ARHGAP15: variants seen among roughly 807,000 people sequenced by gnomAD.
The protein encoded by ARHGAP15 is rho GTPase-activating protein 15.
ARHGAP15 carries 51 observed loss-of-function variants against 63.7 expected under a neutral mutation model. The observed-to-expected ratio is 0.80, with a 90% CI of 0.64 to 1.01. The LOEUF (loss-of-function observed/expected upper bound fraction) is 1.01. Ranked by LOEUF, ARHGAP15 falls within the 50% of genes least tolerant of loss-of-function variation. The probability of loss-of-function intolerance (pLI) is 0.00; values close to 1 mark genes in which losing one functional copy is unlikely to be tolerated. For synonymous variants in ARHGAP15, 191 were observed against 193.8 expected (o/e 0.99, Z 0.12); for missense variants, 560 against 564.6 (o/e 0.99, Z 0.08).
At chr2:143,331,213 T>C (rs374577794) in intron 6 of ARHGAP15, among the ~76,000 whole-genome samples, 1 of 152,136 alleles carries the variant, frequency 6.6e-6, no homozygotes, top group South Asian at 2.1e-4. Flanking sequence ...TTTAGCAATA[T>C]ATTTTTCATT....
chr2:143,750,306 T>G (rs1348402118), intron 13 of ARHGAP15, among the ~76,000 whole-genome samples: 1 of 152,106 alleles, frequency 6.6e-6, no homozygotes. Context: ...TGGGGCATGA[T>G]GGCGCATGCC....
intron 9 of ARHGAP15, chr2:143,518,934 T>C (rs1239289489): frequency 5.1e-6 from 1 of 197,446 alleles, no homozygotes; most frequent in Non-Finnish European, 1.0e-5. Context: ...CCAAAGACAC[T>C]AAGATAAATT....
chr2:143,271,404 G>A (rs943647919), intron 6 of ARHGAP15, among the ~76,000 whole-genome samples: 1 of 152,272 alleles, frequency 6.6e-6, no homozygotes, highest in African/African-American at 2.4e-5. Context: ...ATCTTTTAAG[G>A]ATTTCTTCTC....
intron 13 of ARHGAP15, among the ~76,000 whole-genome samples, chr2:143,720,668 G>A (rs1365544686): frequency 1.3e-5 from 2 of 152,112 alleles, no homozygotes; most frequent in East Asian, 1.9e-4. Flanking sequence ...TCTGCCTGCC[G>A]GTCCTGTGGC....
intron 12 of ARHGAP15, among the ~76,000 whole-genome samples, chr2:143,697,020 A>C (rs1683878589): frequency 6.6e-6 from 1 of 152,190 alleles, no homozygotes; most frequent in Admixed American, 6.6e-5. Flanking sequence ...TTTGGGGAGA[A>C]GGGCACAGAA....
intron 12 of ARHGAP15, among the ~76,000 whole-genome samples, chr2:143,702,049 G>A (rs563536817): frequency 8.5e-5 from 13 of 152,210 alleles, no homozygotes; most frequent in Admixed American, 5.9e-4. Context: ...CTTAACAGTG[G>A]GATTGTCTTG....
intron 6 of ARHGAP15, among the ~76,000 whole-genome samples, chr2:143,366,946 T>G (rs1260695743): frequency 6.6e-6 from 1 of 152,108 alleles, no homozygotes; most frequent in East Asian, 1.9e-4. Flanking sequence ...TTGATTTATC[T>G]TAAAGATATT....
chr2:143,436,319 A>G (rs896751572), intron 7 of ARHGAP15, among the ~76,000 whole-genome samples: 9 of 152,206 alleles, frequency 5.9e-5, no homozygotes, highest in African/African-American at 2.2e-4. Context: ...AATATTCTTA[A>G]TACGGAATAC....
At chr2:143,391,975 T>C (rs756267443) in intron 6 of ARHGAP15, among the ~76,000 whole-genome samples, 1 of 152,020 alleles carries the variant, frequency 6.6e-6, no homozygotes, top group Non-Finnish European at 1.5e-5. Context: ...AACTAACACA[T>C]AGGCTATCCA....
chr2:143,456,420 C>T (rs973693147), intron 8 of ARHGAP15, among the ~76,000 whole-genome samples: 3 of 151,870 alleles, frequency 2.0e-5, no homozygotes, highest in Admixed American at 6.6e-5. Flanking sequence ...CTAAAATTAA[C>T]ATTAGGAAAC....
At chr2:143,752,956 G>A (rs751746853) in intron 13 of ARHGAP15, among the ~76,000 whole-genome samples, 6 of 152,144 alleles carry the variant, frequency 3.9e-5, no homozygotes, top group Non-Finnish European at 5.9e-5. Flanking sequence ...GGGAAACATA[G>A]TGAGACCCCA....
At chr2:143,355,558 C>G (rs1021958021) in intron 6 of ARHGAP15, among the ~76,000 whole-genome samples, 4 of 152,134 alleles carry the variant, frequency 2.6e-5, no homozygotes, top group African/African-American at 9.7e-5. Context: ...CAGTTAATTA[C>G]AGTTAGCCTA....
intron 13 of ARHGAP15, chr2:143,706,634 T>TG (rs1684340035): frequency 1.3e-5 from 2 of 152,178 alleles, no homozygotes; most frequent in South Asian, 4.1e-4. Context: ...TAAAGGATTG[T>TG]GATTATATTA....
At chr2:143,324,611 A>T (rs79407477) in intron 6 of ARHGAP15, among the ~76,000 whole-genome samples, 2 of 152,246 alleles carry the variant, frequency 1.3e-5, no homozygotes, top group African/African-American at 4.8e-5. Context: ...GCTGGGAAAA[A>T]TCTGTACATT....
intron 6 of ARHGAP15, among the ~76,000 whole-genome samples, chr2:143,320,501 C>T (rs977328710): frequency 1.4e-5 from 2 of 146,066 alleles, no homozygotes; most frequent in Non-Finnish European, 3.0e-5. Flanking sequence ...TGCTGCAAGT[C>T]ACTTGACTAT....
At chr2:143,471,300 T>C (rs1691564774) in intron 8 of ARHGAP15, among the ~76,000 whole-genome samples, 1 of 148,872 alleles carries the variant, frequency 6.7e-6, no homozygotes, top group Non-Finnish European at 1.5e-5. Flanking sequence ...TTTGTTTGTG[T>C]ATATATGCAC....
At chr2:143,363,791 C>A (rs1210142202) in intron 6 of ARHGAP15, among the ~76,000 whole-genome samples, 1 of 152,182 alleles carries the variant, frequency 6.6e-6, no homozygotes, top group Non-Finnish European at 1.5e-5. Flanking sequence ...ATACTAACTT[C>A]ATCAGATCAT....
rs1559049023 is a variant in ARHGAP15, at chr2:143,556,491, TG to T, written c.1003+7del. On this transcript the variant is annotated splice_region_variant and intron_variant, in intron 11 of 13. Coordinates refer to ENST00000295095, the MANE Select transcript of ARHGAP15 (RefSeq NM_018460.4). ...AAGATTTATTGTCAACCAAGGTAAG[TG>T]ATTTCCACTTCAGAGATTTTTTCAA... 9 of 1,608,870 alleles carry T rather than the reference TG, an allele frequency of 5.6e-6. No individual in the cohort carries two copies. The highest frequency in any genetic ancestry group is 7.7e-6 in the Non-Finnish European group (9 of 1,176,126).
intron 6 of ARHGAP15, among the ~76,000 whole-genome samples, chr2:143,288,266 G>GGGGAA (rs1368869988): frequency 6.6e-6 from 1 of 152,058 alleles, no homozygotes; most frequent in African/African-American, 2.4e-5. Flanking sequence ...CTACACTTCC[G>GGGGAA]AATGCATACT....
Sources: allele counts gnomAD v4.1 joint callset (sites outside exome capture counted in the v4.1 genomes callset), GRCh38; gene constraint gnomAD v4.1.1; transcripts MANE v1.5; gene names NCBI Gene and HGNC (gene_info 2026-07-23, HGNC 2026-07-21).